Variants in TENM3 observed in about 807,000 individuals in gnomAD.
TENM3 encodes the protein teneurin transmembrane protein 3, also known as teneurin-3.
A neutral mutation model predicts 255.1 loss-of-function variants in TENM3; 63 were observed. The ratio of observed to expected loss-of-function variants is 0.25; its 90% confidence interval spans 0.20 to 0.30. The LOEUF (loss-of-function observed/expected upper bound fraction) is 0.30. Among genes scored for constraint, TENM3 ranks in the 10% least tolerant of loss-of-function variants. TENM3 has a pLI of 1.00. For synonymous variants in TENM3, 1,306 were observed against 1,322.3 expected (o/e 0.99, Z 0.27); for missense variants, 2,929 against 3,461.1 (o/e 0.85, Z 3.86).
chr4:182,371,008 GA>G (rs1167870277), intron 3 of TENM3, among the ~76,000 whole-genome samples: 1 of 151,978 alleles, frequency 6.6e-6, no homozygotes. Flanking sequence ...TTCTTAATAT[GA>G]AGTTGAGACG....
the TENM3 span, among the ~76,000 whole-genome samples, chr4:181,591,844 G>T: frequency 2.6e-5 from 4 of 152,116 alleles, no homozygotes; most frequent in Non-Finnish European, 5.9e-5. Flanking sequence ...GTGCCAAAAA[G>T]GTTGGAGACT....
At chr4:182,414,815 G>A (rs910545760) in intron 3 of TENM3, among the ~76,000 whole-genome samples, 9 of 152,092 alleles carry the variant, frequency 5.9e-5, no homozygotes, top group South Asian at 2.1e-4. Context: ...ACACATGCAC[G>A]TGCACACACA....
chr4:182,361,345 T>C (rs1765963713), intron 3 of TENM3, among the ~76,000 whole-genome samples: 1 of 152,232 alleles, frequency 6.6e-6, no homozygotes, highest in African/African-American at 2.4e-5. Context: ...TCCCCGTCAC[T>C]TTCAGGTACA....
intron 1 of TENM3, among the ~76,000 whole-genome samples, chr4:182,228,390 G>GTA (rs755936399): frequency 0.011 from 938 of 86,978 alleles, 107 homozygotes; most frequent in Non-Finnish European, 0.017. Flanking sequence ...GTGTGTGTGT[G>GTA]TGTATATGTA....
At chr4:182,136,251 C>T in the TENM3 span, among the ~76,000 whole-genome samples, 1 of 152,192 alleles carries the variant, frequency 6.6e-6, no homozygotes, top group Non-Finnish European at 1.5e-5. Context: ...GCTACAATTA[C>T]TTTCTTCTAG....
the TENM3 span, among the ~76,000 whole-genome samples, chr4:181,753,347 C>G: frequency 6.6e-6 from 1 of 151,904 alleles, no homozygotes; most frequent in Non-Finnish European, 1.5e-5. Context: ...GCAACCTATG[C>G]CATTGAATCC....
At chr4:181,866,289 T>C in the TENM3 span, among the ~76,000 whole-genome samples, 1 of 152,214 alleles carries the variant, frequency 6.6e-6, no homozygotes, top group Non-Finnish European at 1.5e-5. Context: ...GTTTCTAACA[T>C]CCTCCTGGTT....
chr4:182,776,753 A>G (rs1764717715), intron 24 of TENM3, among the ~76,000 whole-genome samples: 1 of 152,232 alleles, frequency 6.6e-6, no homozygotes, highest in African/African-American at 2.4e-5. Context: ...AAATGAAGAA[A>G]ATACCTCACT....
chr4:182,772,700 G>A (rs558507923), intron 22 of TENM3: 1 of 151,922 alleles, frequency 6.6e-6, no homozygotes, highest in African/African-American at 2.4e-5. Context: ...CTTTTAAAAT[G>A]TATTTTAACA....
intron 2 of TENM3, among the ~76,000 whole-genome samples, chr4:182,343,304 C>T (rs966416476): frequency 2.0e-5 from 3 of 152,130 alleles, no homozygotes; most frequent in Admixed American, 6.5e-5. Flanking sequence ...CTTGTTGGCT[C>T]TGCTGATCAA....
At chr4:182,013,663 G>A in the TENM3 span, among the ~76,000 whole-genome samples, 1 of 152,148 alleles carries the variant, frequency 6.6e-6, no homozygotes. Context: ...GGCTCAGAGA[G>A]GGTCTGTGGG....
At chr4:181,842,956 T>C in the TENM3 span, among the ~76,000 whole-genome samples, 1 of 152,314 alleles carries the variant, frequency 6.6e-6, no homozygotes, top group South Asian at 2.1e-4. Flanking sequence ...TCTGTATCCC[T>C]AGAGTGTTTT....
the TENM3 span, among the ~76,000 whole-genome samples, chr4:181,583,982 A>C: frequency 6.6e-6 from 1 of 152,226 alleles, no homozygotes; most frequent in African/African-American, 2.4e-5. Flanking sequence ...TCCATGTATA[A>C]AGATTTAGTT....
At chr4:181,718,973 G>A in the TENM3 span, among the ~76,000 whole-genome samples, 1 of 152,002 alleles carries the variant, frequency 6.6e-6, no homozygotes. Flanking sequence ...TTGGGAGGCC[G>A]AGGCGGGTGG....
At chr4:182,654,953 A>C (rs1581225759) in intron 6 of TENM3, among the ~76,000 whole-genome samples, 3 of 152,266 alleles carry the variant, frequency 2.0e-5, no homozygotes, top group Admixed American at 1.3e-4. Context: ...ATAATAGTGA[A>C]TCCCCCGCCA....
intron 4 of TENM3, among the ~76,000 whole-genome samples, chr4:182,621,407 C>T (rs945285631): frequency 6.6e-6 from 1 of 150,866 alleles, no homozygotes; most frequent in Admixed American, 6.7e-5. Flanking sequence ...AGTACCTCTT[C>T]TCTGTGACTA....
At chr4:182,258,633 T>C (rs1579925876) in intron 1 of TENM3, among the ~76,000 whole-genome samples, 1 of 152,212 alleles carries the variant, frequency 6.6e-6, no homozygotes, top group East Asian at 1.9e-4. Flanking sequence ...TTTCATTGCT[T>C]TCCGAGTTTC....
chr4:182,067,958 G>C, the TENM3 span, among the ~76,000 whole-genome samples: 14 of 152,098 alleles, frequency 9.2e-5, no homozygotes, highest in African/African-American at 3.1e-4. Context: ...GTGGATTGTG[G>C]CTGCCAGGAA....
chr4:182,142,476 C>A (rs1749516712), upstream of TENM3: 3 of 167,138 alleles, frequency 1.8e-5, no homozygotes, highest in African/African-American at 7.2e-5. Flanking sequence ...TCAGGCTTTC[C>A]TAGGAGGCGT....
Sources: gnomAD v4.1 joint callset for allele counts (sites outside exome capture counted in the v4.1 genomes callset) on GRCh38, gnomAD v4.1.1 for gene constraint, MANE v1.5 for transcripts, NCBI Gene and HGNC (gene_info 2026-07-23, HGNC 2026-07-21) for gene names.